The following KCNIP4 variants were observed in gnomAD, a reference collection of about 807,000 sequenced individuals.
KCNIP4 encodes Kv channel-interacting protein 4.
In KCNIP4, 12 loss-of-function variants were observed where a neutral mutation model predicts 34.0. The observed-to-expected ratio is 0.35, with a 90% confidence interval of 0.23 to 0.57. The LOEUF is 0.57. Ranked by LOEUF, KCNIP4 falls within the 20% of genes least tolerant of loss-of-function variation. KCNIP4 has a pLI of 0.83. For synonymous variants in KCNIP4, 124 were observed against 102.2 expected (o/e 1.21, Z -1.29); for missense variants, 238 against 311.7 (o/e 0.76, Z 1.78).
chr4:20,831,232 C>A (rs1162178976), intron 3 of KCNIP4, among the ~76,000 whole-genome samples: 2 of 152,174 alleles, frequency 1.3e-5, no homozygotes, highest in Non-Finnish European at 1.5e-5. Flanking sequence ...TTAGACCCCA[C>A]ACCAATACTG....
At chr4:21,532,087 T>C (rs947650605) in intron 1 of KCNIP4, among the ~76,000 whole-genome samples, 1 of 152,168 alleles carries the variant, frequency 6.6e-6, no homozygotes, top group Non-Finnish European at 1.5e-5. Context: ...TGTGTCAGTA[T>C]ACTTTGAGTC....
At chr4:21,685,760 T>C (rs144892155) in intron 1 of KCNIP4, among the ~76,000 whole-genome samples, 295 of 152,348 alleles carry the variant, frequency 1.9e-3, no homozygotes, top group African/African-American at 6.4e-3. Flanking sequence ...AACACAATGT[T>C]GTCTATATTG....
chr4:21,349,319 G>A (rs1158012542), intron 1 of KCNIP4, among the ~76,000 whole-genome samples: 1 of 152,110 alleles, frequency 6.6e-6, no homozygotes, highest in Non-Finnish European at 1.5e-5. Flanking sequence ...CTGCTATAGA[G>A]AAAGCAGAAG....
At chr4:20,885,054 C>T (rs912609322) in intron 1 of KCNIP4, among the ~76,000 whole-genome samples, 5 of 152,136 alleles carry the variant, frequency 3.3e-5, no homozygotes, top group African/African-American at 1.2e-4. Flanking sequence ...CCATCTTTCC[C>T]TCTTGTGTCT....
chr4:21,090,366 A>G (rs562397718), intron 1 of KCNIP4, among the ~76,000 whole-genome samples: 1 of 152,318 alleles, frequency 6.6e-6, no homozygotes, highest in South Asian at 2.1e-4. Flanking sequence ...AAACAAAGAC[A>G]ATAGAAAATT....
At chr4:20,849,517 A>G (rs184049501) in intron 3 of KCNIP4, among the ~76,000 whole-genome samples, 7 of 152,298 alleles carry the variant, frequency 4.6e-5, no homozygotes, top group Middle Eastern at 3.4e-3. Flanking sequence ...TCTAGTCTGC[A>G]TAAGGTTGGA....
At chr4:21,645,015 C>A (rs1215451019) in intron 1 of KCNIP4, among the ~76,000 whole-genome samples, 1 of 152,092 alleles carries the variant, frequency 6.6e-6, no homozygotes, top group African/African-American at 2.4e-5. Flanking sequence ...TTGAACATTA[C>A]TATTTGCCAG....
At chr4:20,926,092 A>G (rs1729873848) in intron 1 of KCNIP4, among the ~76,000 whole-genome samples, 1 of 152,212 alleles carries the variant, frequency 6.6e-6, no homozygotes, top group Non-Finnish European at 1.5e-5. Flanking sequence ...TTTTTTATAC[A>G]CAGCAAATTA....
chr4:21,524,740 T>A lies in KCNIP4; in HGVS notation c.61+423831A>T, dbSNP rs535562287. 2.3e-4 allele frequency among the ~76,000 whole-genome samples: 35 copies of A among 152,252 alleles called. No homozygotes were observed. In the South Asian group the frequency reaches 7.0e-3, roughly 31 times the overall value. On this transcript the variant is annotated intron_variant, in intron 1 of 8. Transcript: ENST00000382152. ...AAATATTTTCTGTCTATCTCCATTA[T>A]CAGATTGTAAGGGCCATGAAAGCAA...
At chr4:21,853,379 C>T (rs1177161589) in intron 1 of KCNIP4, among the ~76,000 whole-genome samples, 1 of 152,166 alleles carries the variant, frequency 6.6e-6, no homozygotes, top group Non-Finnish European at 1.5e-5. Flanking sequence ...AAGTTTTCAT[C>T]TGGGTTTATC....
At chr4:21,747,248 A>G (rs1716838696) in intron 1 of KCNIP4, among the ~76,000 whole-genome samples, 1 of 152,194 alleles carries the variant, frequency 6.6e-6, no homozygotes, top group South Asian at 2.1e-4. Flanking sequence ...GATCCCTATC[A>G]TAAGAACTTG....
At chr4:21,717,091 T>G (rs1373482450) in intron 1 of KCNIP4, among the ~76,000 whole-genome samples, 1 of 152,212 alleles carries the variant, frequency 6.6e-6, no homozygotes, top group Admixed American at 6.5e-5. Flanking sequence ...TTTCTCAAAC[T>G]CAGCACTATT....
At chr4:21,207,800 CT>C (rs1335820034) in intron 1 of KCNIP4, among the ~76,000 whole-genome samples, 1 of 147,894 alleles carries the variant, frequency 6.8e-6, no homozygotes, top group Middle Eastern at 3.2e-3. Flanking sequence ...ATTATATTTA[CT>C]TTCTTTTTCA....
chr4:21,071,010 A>G (rs28879192), intron 1 of KCNIP4, among the ~76,000 whole-genome samples: 3,548 of 152,096 alleles, frequency 0.023, 128 homozygotes, highest in African/African-American at 0.08. Flanking sequence ...CTAGATATGA[A>G]TTCTTTGTTA....
chr4:21,777,320 C>A (rs941614540), intron 1 of KCNIP4, among the ~76,000 whole-genome samples: 1 of 152,166 alleles, frequency 6.6e-6, no homozygotes, highest in Non-Finnish European at 1.5e-5. Flanking sequence ...CTCTAACTTA[C>A]CACAAATTTA....
At chr4:21,827,968 C>A (rs189511676) in intron 1 of KCNIP4, among the ~76,000 whole-genome samples, 48 of 150,446 alleles carry the variant, frequency 3.2e-4, no homozygotes, top group Admixed American at 7.3e-4. Context: ...GTAAAACGAG[C>A]CGCTCTAACT....
chr4:21,937,075 G>T (rs539080254), intron 1 of KCNIP4, among the ~76,000 whole-genome samples: 29 of 152,188 alleles, frequency 1.9e-4, no homozygotes, highest in Admixed American at 5.2e-4. Context: ...GAGCAAGACT[G>T]TGCCTCATTC....
chr4:21,776,694 G>T (rs1719202466), intron 1 of KCNIP4, among the ~76,000 whole-genome samples: 1 of 152,148 alleles, frequency 6.6e-6, no homozygotes, highest in South Asian at 2.1e-4. Flanking sequence ...AAACCAGGTA[G>T]AGGTGATTGG....
At chr4:21,538,429 G>A (rs1304993476) in intron 1 of KCNIP4, among the ~76,000 whole-genome samples, 1 of 152,150 alleles carries the variant, frequency 6.6e-6, no homozygotes. Flanking sequence ...TCTGGGACAC[G>A]TATCAGTGTC....
Sources: gnomAD v4.1 joint callset for allele counts (sites outside exome capture counted in the v4.1 genomes callset) on GRCh38, gnomAD v4.1.1 for gene constraint, MANE v1.5 for transcripts, NCBI Gene and HGNC (gene_info 2026-07-23, HGNC 2026-07-21) for gene names.